CDYL: variants seen among roughly 807,000 people sequenced by gnomAD.
CDYL encodes the protein chromodomain Y like.
Under a neutral mutation model 47.3 loss-of-function variants are expected in CDYL, and 8 were observed. That is an observed-to-expected ratio of 0.17 (90% confidence interval 0.10 to 0.31). The LOEUF is 0.31. CDYL is among the 10% of genes least tolerant of loss of function. The pLI is 1.00. For synonymous variants in CDYL, 266 were observed against 265.0 expected (o/e 1.00, Z -0.04); for missense variants, 471 against 701.4 (o/e 0.67, Z 3.71).
rs1416231342 is a variant in CDYL at position 4,948,114 on chromosome 6, C to G, written c.1333-4152C>G. ...CTGTGTCCTGCCAGTTAACCCTGTC[C>G]CGGCAGGAAAGAATCCTCATCCTCT... On this transcript the variant is annotated intron_variant, in intron 5 of 6. Transcript: ENST00000397588. 2.0e-5 allele frequency among the ~76,000 whole-genome samples: 3 copies of G among 152,262 alleles called. No homozygotes were observed. In the East Asian group the frequency reaches 5.8e-4, roughly 29 times the overall value.
intron 1 of CDYL, among the ~76,000 whole-genome samples, chr6:4,862,583 C>G (rs1209493355): frequency 6.6e-6 from 1 of 152,200 alleles, no homozygotes; most frequent in East Asian, 1.9e-4. Flanking sequence ...AAGCTCCCTA[C>G]CTTTGGGGGC....
At chr6:4,785,079 A>G (rs564619013) in intron 1 of CDYL, among the ~76,000 whole-genome samples, 19 of 152,192 alleles carry the variant, frequency 1.2e-4, no homozygotes, top group Non-Finnish European at 2.2e-4. Context: ...ATGGACTAAT[A>G]CACAAGTCCT....
intron 2 of CDYL, among the ~76,000 whole-genome samples, chr6:4,723,850 A>G (rs1757423783): frequency 6.6e-6 from 1 of 152,214 alleles, no homozygotes; most frequent in Admixed American, 6.5e-5. Flanking sequence ...AGTGCCAAAA[A>G]CTGAGTGTTT....
chr6:4,901,550 G>A (rs1432055276), intron 2 of CDYL, among the ~76,000 whole-genome samples: 1 of 152,144 alleles, frequency 6.6e-6, no homozygotes, highest in Non-Finnish European at 1.5e-5. Flanking sequence ...TTGTTTTACA[G>A]AAGAGGCCGC....
At chr6:4,745,454 T>C (rs1757876008) in intron 3 of CDYL, among the ~76,000 whole-genome samples, 1 of 152,034 alleles carries the variant, frequency 6.6e-6, no homozygotes, top group Non-Finnish European at 1.5e-5. Flanking sequence ...CACTTAGTGT[T>C]GGCCGGGCTC....
chr6:4,789,295 C>T (rs991852444), intron 1 of CDYL, among the ~76,000 whole-genome samples: 4 of 152,112 alleles, frequency 2.6e-5, no homozygotes, highest in East Asian at 1.9e-4. Context: ...AGGCTGGTCT[C>T]GAGCTCCTGG....
At chr6:4,944,770 A>G (rs1241184131) in intron 5 of CDYL, among the ~76,000 whole-genome samples, 2 of 152,208 alleles carry the variant, frequency 1.3e-5, no homozygotes, top group African/African-American at 4.8e-5. Context: ...GAGAAAAAGG[A>G]TATTTGGATC....
intron 5 of CDYL, among the ~76,000 whole-genome samples, chr6:4,951,209 TTG>T (rs1234256361): frequency 6.6e-6 from 1 of 152,110 alleles, no homozygotes; most frequent in Non-Finnish European, 1.5e-5. Flanking sequence ...CCTACCGAAA[TTG>T]TGTTTTACCA....
At chr6:4,852,942 A>G (rs1760895468) in intron 1 of CDYL, among the ~76,000 whole-genome samples, 1 of 151,890 alleles carries the variant, frequency 6.6e-6, no homozygotes, top group Non-Finnish European at 1.5e-5. Context: ...GGGACCAGCT[A>G]CCATGCCCAG....
At chr6:4,906,952 T>A (rs1327476744) in intron 2 of CDYL, among the ~76,000 whole-genome samples, 1 of 152,224 alleles carries the variant, frequency 6.6e-6, no homozygotes, top group Non-Finnish European at 1.5e-5. Context: ...TTTAGGAATG[T>A]ATATTGTGCA....
At chr6:4,905,639 G>A (rs1366216277) in intron 2 of CDYL, among the ~76,000 whole-genome samples, 2 of 152,234 alleles carry the variant, frequency 1.3e-5, no homozygotes, top group Non-Finnish European at 2.9e-5. Flanking sequence ...CTGGGTCAGA[G>A]CCGAAGGGCC....
At chr6:4,718,912 GTTT>G (rs34940804) in intron 2 of CDYL, among the ~76,000 whole-genome samples, 2 of 132,806 alleles carry the variant, frequency 1.5e-5, no homozygotes, top group African/African-American at 5.5e-5. Context: ...ATTTCCACTG[GTTT>G]TTTTTTTTCT....
At chr6:4,929,267 A>G (rs1298348754) in intron 2 of CDYL, among the ~76,000 whole-genome samples, 1 of 149,034 alleles carries the variant, frequency 6.7e-6, no homozygotes. Context: ...GTGCCATTCC[A>G]TTTTCTTCTG....
chr6:4,789,099 A>G (rs1758845750), intron 1 of CDYL, among the ~76,000 whole-genome samples: 1 of 152,108 alleles, frequency 6.6e-6, no homozygotes, highest in Non-Finnish European at 1.5e-5. Flanking sequence ...TTTTTGAGAC[A>G]GGGTCTTGCT....
intron 1 of CDYL, among the ~76,000 whole-genome samples, chr6:4,842,735 G>A (rs1760538096): frequency 6.6e-6 from 1 of 152,086 alleles, no homozygotes; most frequent in Admixed American, 6.6e-5. Flanking sequence ...TCTCTTTCCA[G>A]TGGAGGTATT....
chr6:4,819,197 T>C (rs1008286515), intron 1 of CDYL, among the ~76,000 whole-genome samples: 9 of 150,406 alleles, frequency 6.0e-5, no homozygotes, highest in South Asian at 4.3e-4. Context: ...TCTTCACCAG[T>C]TTTTCATTTT....
intron 1 of CDYL, among the ~76,000 whole-genome samples, chr6:4,825,365 G>A (rs1383156732): frequency 6.6e-6 from 1 of 152,170 alleles, no homozygotes; most frequent in Non-Finnish European, 1.5e-5. Flanking sequence ...AATTGTGAAT[G>A]AGTAGTGATA....
chr6:4,943,830 G>A (rs1758434199), intron 5 of CDYL, 74 bp downstream of exon 5: 4 of 1,179,130 alleles, frequency 3.4e-6, no homozygotes, highest in South Asian at 1.5e-5. Context: ...TTTGGTTATT[G>A]TTTTTCTAAA....
intron 3 of CDYL, among the ~76,000 whole-genome samples, chr6:4,741,339 C>T (rs1757794114): frequency 6.6e-6 from 1 of 152,152 alleles, no homozygotes; most frequent in African/African-American, 2.4e-5. Flanking sequence ...AAGAGGCTAC[C>T]AGTCATGGTT....
Sources: allele counts gnomAD v4.1 joint callset (sites outside exome capture counted in the v4.1 genomes callset), GRCh38; gene constraint gnomAD v4.1.1; transcripts MANE v1.5; gene names NCBI Gene and HGNC (gene_info 2026-07-23, HGNC 2026-07-21).